Variants in SFXN5 observed in about 807,000 individuals in gnomAD.
SFXN5 encodes sideroflexin-5.
Under a neutral mutation model 50.2 loss-of-function variants are expected in SFXN5, and 43 were observed. That is an observed-to-expected ratio of 0.86 (90% CI 0.67 to 1.11). The LOEUF is 1.11. Among genes scored for constraint, SFXN5 ranks in the 50% least tolerant of loss-of-function variants. The probability of loss-of-function intolerance (pLI) is 0.00; values close to 1 mark genes in which losing one functional copy is unlikely to be tolerated. For missense variants in SFXN5, 463 were observed against 454.1 expected (o/e 1.02, Z -0.18); for synonymous variants, 203 against 185.8 (o/e 1.09, Z -0.75).
chr2:73,063,473 A>G (rs1682959342), intron 1 of SFXN5, among the ~76,000 whole-genome samples: 1 of 152,214 alleles, frequency 6.6e-6, no homozygotes, highest in African/African-American at 2.4e-5. Context: ...GCAAAGCAAG[A>G]CTGTGTGAAA....
chr2:73,040,945 A>G lies in SFXN5; in HGVS notation c.172-14T>C, dbSNP rs1679550847. 2 of 1,610,474 alleles carry G rather than the reference A, an allele frequency of 1.2e-6. No homozygotes were observed. The highest frequency in any genetic ancestry group is 1.7e-5 in the Admixed American group (1 of 59,716). ...TCTGAGACGTCTCTGCAGAAGAAAGAAAAGAGACATTGAGGGGCACAGATC... is the reference window on the plus strand; with the variant it reads ...TCTGAGACGTCTCTGCAGAAGAAAGGAAAGAGACATTGAGGGGCACAGATC... On this transcript the variant is annotated splice_polypyrimidine_tract_variant and intron_variant, in intron 2 of 13. Coordinates refer to ENST00000272433, the MANE Select transcript of SFXN5 (RefSeq NM_144579.3).
Position 72,964,050 on chromosome 2 carries a change from C to G in SFXN5, c.828-2802G>C, listed in dbSNP as rs1674081593. On this transcript the variant is annotated intron_variant, in intron 12 of 13. Transcript: ENST00000272433. ...TCAGAGTCAAGGCCAACTGAGCATG[C>G]TGAGCTCCCACCTTTCTCTTCCCAG... Among the ~76,000 whole-genome samples the G allele has an allele frequency of 3.3e-5, 5 of 152,192 alleles. No homozygotes were observed. In the South Asian group the frequency reaches 1.0e-3, roughly 32 times the overall value.
In SFXN5 at chr2:73,058,588, G is replaced by C. The variant is rs1317330787; in HGVS notation, c.111C>G (p.Phe37Leu). Residue 37 changes from phenylalanine to leucine, a missense_variant, in exon 2 of 14, where the codon TTC (phenylalanine) becomes TTG (leucine). Physicochemically the swap from Phe to Leu is conservative, Grantham distance 22 (BLOSUM62 0). Coordinates refer to ENST00000272433, the MANE Select transcript of SFXN5 (RefSeq NM_144579.3). ...LGKPRFQQTS[F>L]YGRFRHFLDI... is the part of the protein sequence containing the mutation. Reference sequence around the variant, plus strand: ...CCAAGAAGTGCCTGAAGCGGCCATAGAAGGACGTCTGAAGAAGAGGATGAG... The same window carrying C: ...CCAAGAAGTGCCTGAAGCGGCCATACAAGGACGTCTGAAGAAGAGGATGAG... 1.2e-6 allele frequency: 2 copies of C among 1,614,110 alleles called. No individual in the cohort carries two copies. The highest frequency in any genetic ancestry group is 4.5e-5 in the East Asian group (2 of 44,876).
At chr2:73,068,334 TA>T (rs1467124106) in intron 1 of SFXN5, among the ~76,000 whole-genome samples, 1 of 152,168 alleles carries the variant, frequency 6.6e-6, no homozygotes, top group Admixed American at 6.5e-5. Flanking sequence ...ACACAACTAT[TA>T]CATGCCAGGG....
At chr2:73,040,824 T>C (rs766036833) in intron 3 of SFXN5, 30 bp downstream of exon 3, 3 of 1,572,182 alleles carry the variant, frequency 1.9e-6, no homozygotes, top group South Asian at 2.3e-5. Context: ...CCTTCCCCAC[T>C]GGCCATGCTC....
chr2:72,957,147 A>AAGG, intron 13 of SFXN5: 1 of 448,906 alleles, frequency 2.2e-6, no homozygotes, highest in Non-Finnish European at 4.5e-6. Flanking sequence ...ACTCCCCCCC[A>AAGG]TACACTGAAG....
chr2:73,004,604 G>C (rs1674372826), intron 6 of SFXN5, among the ~76,000 whole-genome samples: 1 of 152,142 alleles, frequency 6.6e-6, no homozygotes, highest in African/African-American at 2.4e-5. Context: ...ACAGCAGAGA[G>C]ACTGGTCTGA....
chr2:72,990,794 C>A (rs570762333), intron 9 of SFXN5, among the ~76,000 whole-genome samples: 1 of 152,320 alleles, frequency 6.6e-6, no homozygotes, highest in South Asian at 2.1e-4. Context: ...TTGTCTTCCA[C>A]CTGAGGGAGG....
At chr2:73,051,909 C>G (rs1257132749) in intron 2 of SFXN5, among the ~76,000 whole-genome samples, 5 of 152,070 alleles carry the variant, frequency 3.3e-5, no homozygotes, top group African/African-American at 1.2e-4. Flanking sequence ...AGGTTTTAAT[C>G]CCAGTCACAG....
At chr2:73,000,361 C>T (rs1559139369) in intron 8 of SFXN5, 70 bp downstream of exon 8, 13 of 1,436,362 alleles carry the variant, frequency 9.1e-6, no homozygotes, top group East Asian at 2.5e-5. Context: ...TGGCATGTCA[C>T]GCTGTAGGGA....
chr2:72,953,752 G>A lies in SFXN5; in HGVS notation c.945+7379C>T. On this transcript the variant is annotated intron_variant, in intron 13 of 13. Coordinates refer to ENST00000272433, the MANE Select transcript of SFXN5 (RefSeq NM_144579.3). The surrounding 1 kb of genome is among the most constrained non-coding windows in gnomAD (Gnocchi z 4.1). ...CCATTTCTAGACCAGCTTGAATGTGGACTCACATTCCAGCTTATTCCCAGC... is the reference window on the plus strand; with the variant it reads ...CCATTTCTAGACCAGCTTGAATGTGAACTCACATTCCAGCTTATTCCCAGC... 6.6e-6 allele frequency among the ~76,000 whole-genome samples: 1 copy of A among 152,188 alleles called. No individual in the cohort carries two copies. The highest frequency in any genetic ancestry group is 1.9e-4 in the East Asian group (1 of 5,190).
intron 3 of SFXN5, among the ~76,000 whole-genome samples, chr2:73,029,725 C>T (rs971933622): frequency 6.6e-6 from 1 of 152,166 alleles, no homozygotes; most frequent in Non-Finnish European, 1.5e-5. Context: ...ATATATCTCC[C>T]ATTTTTACAA....
chr2:72,976,095 G>C (rs1370279255), intron 10 of SFXN5, among the ~76,000 whole-genome samples: 1 of 152,182 alleles, frequency 6.6e-6, no homozygotes, highest in Non-Finnish European at 1.5e-5. Flanking sequence ...CCTGTAATTG[G>C]CATATGCACA....
At chr2:73,031,397 G>A (rs1233434878) in intron 3 of SFXN5, among the ~76,000 whole-genome samples, 1 of 152,206 alleles carries the variant, frequency 6.6e-6, no homozygotes, top group East Asian at 1.9e-4. Flanking sequence ...AAGGAGCCTG[G>A]GTCCCTGAAT....
Position 72,961,312 on chromosome 2 carries a change from C to G in SFXN5, c.828-64G>C. ...GGTGGGGTGGGCTGGCTGCCAGCCA[C>G]CATGCTGGGTCCCACTCTGTCTCTG... is the stretch of plus-strand genomic sequence containing the variant. On this transcript the variant is annotated intron_variant, in intron 12 of 13. Transcript: ENST00000272433. The surrounding 1 kb of genome is among the most constrained non-coding windows in gnomAD (Gnocchi z 4.4). The G allele has an allele frequency of 8.7e-7, 1 of 1,149,472 alleles. No individual in the cohort carries two copies. The highest frequency in any genetic ancestry group is 1.2e-6 in the Non-Finnish European group (1 of 833,476). The allele number at this position is 1,149,472 out of a possible 1,614,324, so 71.2% of individuals were successfully genotyped here. A position where few individuals can be genotyped will look rare whatever the true frequency, so the allele number is the denominator to read the frequency against.
At chr2:73,004,711 G>C (rs1674392482) in intron 6 of SFXN5, among the ~76,000 whole-genome samples, 1 of 152,158 alleles carries the variant, frequency 6.6e-6, no homozygotes, top group Non-Finnish European at 1.5e-5. Flanking sequence ...GCCTTAGGGG[G>C]CCATGTGAGG....
chr2:72,987,553 C>G (rs569089170), intron 10 of SFXN5, among the ~76,000 whole-genome samples: 1 of 151,512 alleles, frequency 6.6e-6, no homozygotes, highest in Admixed American at 6.6e-5. Context: ...GTTAGGAGTT[C>G]GAGACCAGCC....
intron 13 of SFXN5, among the ~76,000 whole-genome samples, chr2:72,959,805 TC>T (rs2105374245): frequency 6.6e-6 from 1 of 152,214 alleles, no homozygotes; most frequent in South Asian, 2.1e-4. Context: ...CCCCTGTCTC[TC>T]CCATTTAAAA....
At chr2:73,064,979 G>A (rs1325180241) in intron 1 of SFXN5, among the ~76,000 whole-genome samples, 3 of 152,120 alleles carry the variant, frequency 2.0e-5, no homozygotes, top group African/African-American at 7.2e-5. Flanking sequence ...TAGAGACGGG[G>A]TTTCGCCATG....
Sources: allele counts gnomAD v4.1 joint callset (sites outside exome capture counted in the v4.1 genomes callset), GRCh38; gene constraint gnomAD v4.1.1; non-coding constraint Gnocchi (gnomAD v3.1); transcripts MANE v1.5; gene names NCBI Gene and HGNC (gene_info 2026-07-23, HGNC 2026-07-21).